Variants in CSMD1 observed in about 807,000 individuals in gnomAD.
The protein encoded by CSMD1 is CUB and sushi domain-containing protein 1.
Under a neutral mutation model 417.5 loss-of-function variants are expected in CSMD1, and 213 were observed. The observed-to-expected ratio is 0.51, with a 90% CI of 0.46 to 0.57. The LOEUF is 0.57. Among genes scored for constraint, CSMD1 ranks in the 20% least tolerant of loss-of-function variants. The pLI, the probability that CSMD1 is intolerant of heterozygous loss-of-function variation, is 0.00. For synonymous variants in CSMD1, 2,862 were observed against 1,736.8 expected (o/e 1.65, Z -16.11); for missense variants, 6,923 against 4,529.7 (o/e 1.53, Z -15.17).
chr8:4,830,293 C>T (rs1800075116), intron 1 of CSMD1, among the ~76,000 whole-genome samples: 1 of 152,178 alleles, frequency 6.6e-6, no homozygotes, highest in Non-Finnish European at 1.5e-5. Flanking sequence ...CATGAGGTTT[C>T]TATTTCCTTT....
intron 5 of CSMD1, among the ~76,000 whole-genome samples, chr8:3,847,860 C>A (rs553382693): frequency 6.6e-6 from 1 of 152,160 alleles, no homozygotes; most frequent in Non-Finnish European, 1.5e-5. Flanking sequence ...TCCCATTATG[C>A]GCTCCCTATA....
At chr8:4,602,958 A>T (rs1030592853) in intron 2 of CSMD1, among the ~76,000 whole-genome samples, 25 of 151,868 alleles carry the variant, frequency 1.6e-4, no homozygotes, top group African/African-American at 5.1e-4. Context: ...ATAGATAAAA[A>T]AGAAGATATT....
rs1159884851 is a variant in CSMD1 at position 4,143,814 on chromosome 8, G to C, written c.416-111715C>G. On this transcript the variant is annotated intron_variant, in intron 3 of 69. Coordinates refer to ENST00000635120, the MANE Select transcript of CSMD1 (RefSeq NM_033225.6). ...CCCAAGCAAGCTGTTCCAGGGCCTAGTTACACAGTTTTCTGGGATTTAAGT... is the reference window on the plus strand; with the variant it reads ...CCCAAGCAAGCTGTTCCAGGGCCTACTTACACAGTTTTCTGGGATTTAAGT... 2.0e-5 allele frequency among the ~76,000 whole-genome samples: 3 copies of C among 151,290 alleles called. 1 individual carries two copies. The highest frequency in any genetic ancestry group is 4.4e-5 in the Non-Finnish European group (3 of 68,036).
chr8:4,697,763 T>A (rs1359069700), intron 1 of CSMD1, among the ~76,000 whole-genome samples: 2 of 152,228 alleles, frequency 1.3e-5, no homozygotes, highest in African/African-American at 4.8e-5. Context: ...ATTACTCATT[T>A]GGCATTACAA....
chr8:3,524,823 T>C (rs1797688136), intron 10 of CSMD1, among the ~76,000 whole-genome samples: 1 of 151,494 alleles, frequency 6.6e-6, no homozygotes, highest in African/African-American at 2.4e-5. Flanking sequence ...CAGACACACA[T>C]GCACACACAG....
intron 25 of CSMD1, among the ~76,000 whole-genome samples, chr8:3,301,593 G>C (rs1412902422): frequency 1.3e-5 from 2 of 152,174 alleles, no homozygotes; most frequent in East Asian, 1.9e-4. Flanking sequence ...ACTCAAGACA[G>C]TGTGTGTAAA....
intron 3 of CSMD1, among the ~76,000 whole-genome samples, chr8:4,143,334 G>C (rs147070368): frequency 1.4e-5 from 2 of 145,992 alleles, no homozygotes; most frequent in East Asian, 2.0e-4. Flanking sequence ...CTTCAAATCT[G>C]ATTCATGGGC....
At chr8:4,190,955 G>C (rs1179471610) in intron 3 of CSMD1, among the ~76,000 whole-genome samples, 1 of 151,842 alleles carries the variant, frequency 6.6e-6, no homozygotes, top group Non-Finnish European at 1.5e-5. Context: ...GTGGAGAGTG[G>C]GGGGGGCGGG....
chr8:4,272,929 G>A (rs959165706), intron 3 of CSMD1, among the ~76,000 whole-genome samples: 4 of 152,144 alleles, frequency 2.6e-5, no homozygotes, highest in African/African-American at 9.7e-5. Flanking sequence ...GAAGTATTTT[G>A]TAAGAAAGGA....
intron 11 of CSMD1, among the ~76,000 whole-genome samples, chr8:3,487,784 T>A (rs1187264709): frequency 6.6e-6 from 1 of 152,164 alleles, no homozygotes; most frequent in Non-Finnish European, 1.5e-5. Flanking sequence ...CACTAAGTGC[T>A]AAAAGAATCC....
At chr8:4,951,400 C>G (rs1808735226) in intron 1 of CSMD1, among the ~76,000 whole-genome samples, 1 of 150,076 alleles carries the variant, frequency 6.7e-6, no homozygotes, top group East Asian at 2.0e-4. Flanking sequence ...AGGTGTGACT[C>G]CTTTACTACC....
intron 5 of CSMD1, among the ~76,000 whole-genome samples, chr8:3,823,129 A>G (rs1801834887): frequency 6.6e-6 from 1 of 152,204 alleles, no homozygotes; most frequent in African/African-American, 2.4e-5. Flanking sequence ...TTCTCATCCC[A>G]AAGGTATAAA....
chr8:3,275,462 G>A (rs1802209746), intron 26 of CSMD1, among the ~76,000 whole-genome samples: 1 of 152,084 alleles, frequency 6.6e-6, no homozygotes, highest in South Asian at 2.1e-4. Flanking sequence ...TTTCCTGAAT[G>A]TGAATGTTGA....
At chr8:4,859,827 T>A (rs1343331150) in intron 1 of CSMD1, among the ~76,000 whole-genome samples, 1 of 152,074 alleles carries the variant, frequency 6.6e-6, no homozygotes, top group Non-Finnish European at 1.5e-5. Flanking sequence ...GTAAACTAGT[T>A]CAACCATTGT....
intron 1 of CSMD1, among the ~76,000 whole-genome samples, chr8:4,917,362 C>T (rs921119978): frequency 1.3e-5 from 2 of 152,162 alleles, no homozygotes; most frequent in Non-Finnish European, 2.9e-5. Flanking sequence ...GGGCAGGGTG[C>T]GGCGGCTCAC....
At chr8:3,752,412 T>A (rs1239310566) in intron 6 of CSMD1, among the ~76,000 whole-genome samples, 2 of 152,084 alleles carry the variant, frequency 1.3e-5, no homozygotes, top group Non-Finnish European at 2.9e-5. Flanking sequence ...CCCAGCACTT[T>A]GGGAGGCCGA....
Position 3,916,396 on chromosome 8 carries a change from A to C in CSMD1, c.818+81507T>G, listed in dbSNP as rs577129856. 2.4e-4 allele frequency among the ~76,000 whole-genome samples: 36 copies of C among 152,246 alleles called. No individual in the cohort carries two copies. The East Asian group carries it at 6.8e-3, about 29-fold the overall frequency. Reference sequence around the variant, plus strand: ...TAGGAGGTAATTCCATGATGAAATAACTCTCAATTTCTAAAACTGTCTTAA... The same window carrying C: ...TAGGAGGTAATTCCATGATGAAATACCTCTCAATTTCTAAAACTGTCTTAA... On this transcript the variant is annotated intron_variant, in intron 5 of 69. Coordinates refer to ENST00000635120, the MANE Select transcript of CSMD1 (RefSeq NM_033225.6).
chr8:4,129,325 T>A (rs577308718), intron 3 of CSMD1, among the ~76,000 whole-genome samples: 2 of 152,250 alleles, frequency 1.3e-5, no homozygotes, highest in South Asian at 4.1e-4. Flanking sequence ...ATGTGGAGCC[T>A]GGGAATTCAT....
intron 3 of CSMD1, among the ~76,000 whole-genome samples, chr8:4,167,944 A>G (rs1303242667): frequency 2.0e-5 from 3 of 152,048 alleles, no homozygotes; most frequent in East Asian, 3.9e-4. Flanking sequence ...CCTGGCCAGC[A>G]TGGTGAAACC....
Sources: gnomAD v4.1 joint callset for allele counts (sites outside exome capture counted in the v4.1 genomes callset) on GRCh38, gnomAD v4.1.1 for gene constraint, MANE v1.5 for transcripts, NCBI Gene and HGNC (gene_info 2026-07-23, HGNC 2026-07-21) for gene names.